Variants in MTUS2 observed in about 807,000 individuals in gnomAD.
MTUS2 encodes microtubule associated scaffold protein 2, also known as microtubule-associated tumor suppressor candidate 2.
MTUS2 carries 40 observed loss-of-function variants against 114.1 expected under a neutral mutation model. The observed-to-expected ratio is 0.35, with a 90% confidence interval of 0.27 to 0.46. MTUS2 has a LOEUF of 0.46. Ranked by LOEUF, MTUS2 falls within the 20% of genes least tolerant of loss-of-function variation. The pLI is 1.00. For synonymous variants in MTUS2, 688 were observed against 672.0 expected (o/e 1.02, Z -0.37); for missense variants, 1,679 against 1,705.4 (o/e 0.98, Z 0.27).
intron 6 of MTUS2, among the ~76,000 whole-genome samples, chr13:29,302,125 G>C (rs1302071274): frequency 6.6e-6 from 1 of 152,212 alleles, no homozygotes; most frequent in African/African-American, 2.4e-5. Flanking sequence ...GGAATGAAAA[G>C]GGGCAAGTGA....
At chr13:29,014,805 T>A (rs994855398) in intron 2 of MTUS2, among the ~76,000 whole-genome samples, 1 of 152,214 alleles carries the variant, frequency 6.6e-6, no homozygotes, top group Non-Finnish European at 1.5e-5. Flanking sequence ...CATAACCTGA[T>A]CTGATTAACC....
At chr13:29,066,737 T>G (rs1422453387) in intron 4 of MTUS2, among the ~76,000 whole-genome samples, 2 of 152,196 alleles carry the variant, frequency 1.3e-5, no homozygotes, top group African/African-American at 4.8e-5. Context: ...AGGCACAGAT[T>G]AAATGCATAG....
At chr13:29,217,886 G>A (rs1385784732) in intron 5 of MTUS2, among the ~76,000 whole-genome samples, 7 of 152,194 alleles carry the variant, frequency 4.6e-5, no homozygotes, top group African/African-American at 1.4e-4. Context: ...GGGAGGCCAA[G>A]TCAGGAAGAT....
intron 8 of MTUS2, among the ~76,000 whole-genome samples, chr13:29,391,194 A>T (rs1348267789): frequency 3.3e-5 from 5 of 152,060 alleles, no homozygotes; most frequent in Non-Finnish European, 7.4e-5. Context: ...GGTTCAAGTG[A>T]TTCTTGTGCC....
At chr13:29,001,922 G>A (rs1396720925) in intron 2 of MTUS2, among the ~76,000 whole-genome samples, 2 of 152,244 alleles carry the variant, frequency 1.3e-5, no homozygotes, top group East Asian at 3.9e-4. Context: ...TAAGCATTCA[G>A]GTCGCCTCTG....
chr13:29,372,480 G>A (rs1025892997), intron 8 of MTUS2, among the ~76,000 whole-genome samples: 6 of 145,190 alleles, frequency 4.1e-5, no homozygotes, highest in African/African-American at 1.5e-4. Flanking sequence ...TATATGTTAA[G>A]ATTAACTATA....
chr13:28,892,868 G>T (rs989883160), intron 2 of MTUS2, among the ~76,000 whole-genome samples: 1 of 152,184 alleles, frequency 6.6e-6, no homozygotes, highest in Non-Finnish European at 1.5e-5. Flanking sequence ...GTGTCTATGA[G>T]AGTTCACAGG....
At chr13:29,178,135 A>G (rs867216396) in intron 5 of MTUS2, among the ~76,000 whole-genome samples, 3 of 152,196 alleles carry the variant, frequency 2.0e-5, no homozygotes, top group South Asian at 2.1e-4. Context: ...TGTAGAATTT[A>G]CAGCGAACTA....
intron 1 of MTUS2, among the ~76,000 whole-genome samples, chr13:28,823,179 A>G (rs965721740): frequency 1.3e-5 from 2 of 152,258 alleles, no homozygotes; most frequent in Admixed American, 6.5e-5. Context: ...TCAGCTCCAT[A>G]GGAGATCCTT....
At chr13:29,020,313 C>T (rs1417178871) in intron 2 of MTUS2, among the ~76,000 whole-genome samples, 2 of 152,160 alleles carry the variant, frequency 1.3e-5, no homozygotes, top group African/African-American at 2.4e-5. Flanking sequence ...ATTGGTTGAC[C>T]TATTTGCATA....
chr13:28,937,915 C>T (rs1001928343), intron 2 of MTUS2, among the ~76,000 whole-genome samples: 2 of 152,132 alleles, frequency 1.3e-5, no homozygotes, highest in Non-Finnish European at 2.9e-5. Context: ...TACCCTCACT[C>T]CTTTAAAAGA....
chr13:29,090,922 A>G (rs967193355), intron 4 of MTUS2, among the ~76,000 whole-genome samples: 1 of 152,110 alleles, frequency 6.6e-6, no homozygotes, highest in African/African-American at 2.4e-5. Flanking sequence ...GAATTCAAAT[A>G]TATCTGTGGG....
chr13:29,246,357 C>G (rs562450745), intron 5 of MTUS2, among the ~76,000 whole-genome samples: 1 of 152,286 alleles, frequency 6.6e-6, no homozygotes, highest in South Asian at 2.1e-4. Flanking sequence ...TCTGAGTTTC[C>G]TTAGGATAGT....
chr13:29,046,732 C>A (rs1212504842), intron 4 of MTUS2, among the ~76,000 whole-genome samples: 1 of 16,166 alleles, frequency 6.2e-5, no homozygotes, highest in Non-Finnish European at 2.4e-4. Context: ...CCCCCACCTC[C>A]TTTTGTCCTT....
chr13:29,358,485 G>T (rs528202062), intron 7 of MTUS2, among the ~76,000 whole-genome samples: 4 of 152,356 alleles, frequency 2.6e-5, no homozygotes, highest in African/African-American at 7.2e-5. Context: ...CCATGGTAAG[G>T]TGTGTGGACT....
chr13:28,963,844 G>A (rs1883451589), intron 2 of MTUS2, among the ~76,000 whole-genome samples: 2 of 152,002 alleles, frequency 1.3e-5, no homozygotes, highest in Admixed American at 1.3e-4. Context: ...CACGACCTTG[G>A]CACAATGGCA....
chr13:28,846,223 T>A (rs1173029834), intron 2 of MTUS2, among the ~76,000 whole-genome samples: 1 of 152,008 alleles, frequency 6.6e-6, no homozygotes, highest in African/African-American at 2.4e-5. Context: ...ATTTCTTAAA[T>A]ATGGAACCCA....
chr13:29,307,695 C>A, intron 6 of MTUS2: 1 of 1,134,738 alleles, frequency 8.8e-7, no homozygotes, highest in South Asian at 1.2e-5. Flanking sequence ...TCAACGACCA[C>A]TTTTTCAAGC....
chr13:29,342,352 G>A (rs1036731423), intron 7 of MTUS2, among the ~76,000 whole-genome samples: 3 of 151,980 alleles, frequency 2.0e-5, no homozygotes, highest in Non-Finnish European at 4.4e-5. Flanking sequence ...AGTTTTCTTT[G>A]TAGAGGTCTT....
Sources: allele counts gnomAD v4.1 joint callset (sites outside exome capture counted in the v4.1 genomes callset), GRCh38; gene constraint gnomAD v4.1.1; transcripts MANE v1.5; gene names NCBI Gene and HGNC (gene_info 2026-07-23, HGNC 2026-07-21).